The following RBBP6 variants were observed in gnomAD, a reference collection of about 807,000 sequenced individuals.
RBBP6 encodes RB binding protein 6, ubiquitin ligase, also known as E3 ubiquitin-protein ligase RBBP6.
RBBP6 carries 25 observed loss-of-function variants against 167.7 expected under a neutral mutation model. That is an observed-to-expected ratio of 0.15 (90% CI 0.11 to 0.21). The LOEUF is 0.21. Ranked by LOEUF, RBBP6 falls within the 10% of genes least tolerant of loss-of-function variation. The pLI, the probability that RBBP6 is intolerant of heterozygous loss-of-function variation, is 1.00. For missense variants in RBBP6, 1,868 were observed against 2,134.2 expected, an observed-to-expected ratio of 0.88 and a Z score of 2.46; for synonymous variants, 789 against 735.8, an observed-to-expected ratio of 1.07 and a Z score of -1.17.
chr16:24,571,626 T>G lies in RBBP6; in HGVS notation c.4560T>G (p.Asp1520Glu). 1 of 1,611,354 alleles carries G rather than the reference T, an allele frequency of 6.2e-7. No individual in the cohort carries two copies. Among genetic ancestry groups the G allele is most frequent in the Non-Finnish European group, 8.5e-7 (1 of 1,179,372 alleles). Residue 1520 changes from aspartate (D) to glutamate (E), a missense_variant, in exon 18 of 18, where the codon GAT becomes GAG. Physicochemically the swap from Asp to Glu is conservative, Grantham distance 45. Coordinates refer to ENST00000319715, the MANE Select transcript of RBBP6 (RefSeq NM_006910.5). ...AAAATAAACCAAGGGAAGAGAGAGA[T>G]TTGCCTAAAAAAGGAACAGGAGATT... ...GQKNKPREER[D>E]LPKKGTGDSK...
chr16:24,544,698 A>C (rs562761048), intron 1 of RBBP6, among the ~76,000 whole-genome samples: 1 of 152,238 alleles, frequency 6.6e-6, no homozygotes, highest in East Asian at 1.9e-4. Context: ...TTCTGTAGCA[A>C]ATCTTTTTAC....
chr16:24,571,139 A>G lies in RBBP6; in HGVS notation c.4073A>G (p.Asn1358Ser). 6.2e-7 allele frequency: 1 copy of G among 1,613,696 alleles called. No homozygotes were observed. The highest frequency in any genetic ancestry group is 8.5e-7 in the Non-Finnish European group (1 of 1,179,634). The stretch of plus-strand genomic sequence containing the variant: ...AAAAATGTTAGTACAAAGCCATCAA[A>G]TATAGTCAAGTATCCTGAGAAAGAA... Reference protein sequence around the residue: ...VIKNVSTKPSNIVKYPEKESE... With the variant: ...VIKNVSTKPSSIVKYPEKESE... Residue 1358 changes from asparagine to serine, a missense_variant, in exon 18 of 18, where the codon AAT (asparagine) becomes AGT (serine). This residue lies in a region of RBBP6 where 591 missense variants were observed against 540.5 expected (regional missense o/e 1.09). Transcript: ENST00000319715.
At chr16:24,546,620 C>T (rs1898660115) in intron 2 of RBBP6, among the ~76,000 whole-genome samples, 3 of 152,094 alleles carry the variant, frequency 2.0e-5, no homozygotes, top group Non-Finnish European at 4.4e-5. Flanking sequence ...TTGTAGACAT[C>T]GGTCCTAAAT....
At position 24,572,074 on chromosome 16, in the gene RBBP6, G is replaced by A; in HGVS notation, c.5008G>A (p.Val1670Met). ...NISKDLKDKIVEKAKESLDTA... is the reference protein window; with the variant it reads ...NISKDLKDKIMEKAKESLDTA... ...TTCTAAGGACCTGAAAGATAAAATA[G>A]TGGAGAAAGCAAAAGAGAGCCTGGA... Residue 1670 changes from valine (V) to methionine (M), a missense_variant, in exon 18 of 18, where the codon GTG becomes ATG. Physicochemically the swap from Val to Met is conservative, Grantham distance 21. Transcript: ENST00000319715. 1 of 1,614,136 alleles carries A rather than the reference G, an allele frequency of 6.2e-7. No homozygotes were observed. Among genetic ancestry groups the A allele is most frequent in the South Asian group, 1.1e-5 (1 of 91,082 alleles).
At position 24,569,415 on chromosome 16, in the gene RBBP6, A is replaced by G; in HGVS notation, c.2725A>G (p.Asn909Asp). ...AAAGCTTTCAGCAAGAGATGGTCACAATCAGAAGGATAATACAAAGTCAAA... is the reference window on the plus strand; with the variant it reads ...AAAGCTTTCAGCAAGAGATGGTCACGATCAGAAGGATAATACAAAGTCAAA... The part of the protein sequence containing the change: ...PEKLSARDGH[N>D]QKDNTKSKEK... Residue 909 changes from asparagine to aspartate, a missense_variant, in exon 17 of 18, where the codon AAT becomes GAT. Asn to Asp is a conservative substitution (Grantham distance 23, BLOSUM62 1). Coordinates refer to ENST00000319715, the MANE Select transcript of RBBP6 (RefSeq NM_006910.5). The G allele has an allele frequency of 1.9e-6, 3 of 1,614,170 alleles. No individual in the cohort carries two copies. The highest frequency in any genetic ancestry group is 2.5e-6 in the Non-Finnish European group (3 of 1,180,040).
chr16:24,540,537 G>A lies in RBBP6; in HGVS notation c.-90G>A, dbSNP rs1898459310. 2.3e-6 allele frequency: 3 copies of A among 1,324,476 alleles called. No homozygotes were observed. The highest frequency in any genetic ancestry group is 3.0e-5 in the African/African-American group (2 of 67,688). The allele number at this position is 1,324,476 out of a possible 1,614,324, so 82.0% of individuals were successfully genotyped here. A position where few individuals can be genotyped will look rare whatever the true frequency, so the allele number is the denominator to read the frequency against. Reference sequence around the variant, plus strand: ...CCTTCGGTGTCTTTGAGTGTTTTGTGTGTACATATTTTGCTCTTAAAGTTT... The same window carrying A: ...CCTTCGGTGTCTTTGAGTGTTTTGTATGTACATATTTTGCTCTTAAAGTTT... On this transcript the variant is annotated 5_prime_UTR_variant, in exon 1 of 18. In the 5' UTR this introduces an upstream ATG that the reference lacks. Transcript: ENST00000319715.
rs905468905 is a variant in RBBP6 at position 24,540,185 on chromosome 16, C to G, written c.-442C>G. 6.4e-6 allele frequency: 1 copy of G among 157,330 alleles called. No homozygotes were observed. The highest frequency in any genetic ancestry group is 2.4e-5 in the African/African-American group (1 of 41,524). 9.7% of individuals were successfully genotyped at this position (157,330 alleles called of 1,614,324 possible). A position where few individuals can be genotyped will look rare whatever the true frequency, so the allele number is the denominator to read the frequency against. On this transcript the variant is annotated 5_prime_UTR_variant, in exon 1 of 18. Transcript: ENST00000319715. ...ACCTTCTCCCGGGGCCTGGGTCACC[C>G]CAATCCACGGAGAGAGAGACCCGCC...
Position 24,569,523 on chromosome 16 carries a change from A to G in RBBP6, c.2833A>G (p.Ser945Gly), listed in dbSNP as rs758808923. Residue 945 changes from serine to glycine, a missense_variant, in exon 17 of 18, where the codon AGT (serine) becomes GGT (glycine). By Grantham distance (56) the Ser-to-Gly change is moderately conservative. Transcript: ENST00000319715. The stretch of plus-strand genomic sequence containing the variant: ...CAGAAAAAGAAGAAAAGGGGAGGAA[A>G]GTGAGGGTTTTCTGAACCCAGAGTT... ...KHRKRRKGEESEGFLNPELLE... is the reference protein window; with the variant it reads ...KHRKRRKGEEGEGFLNPELLE... 6 of 1,610,944 alleles carry G rather than the reference A, an allele frequency of 3.7e-6. No individual in the cohort carries two copies. Among genetic ancestry groups the G allele is most frequent in the Non-Finnish European group, 5.1e-6 (6 of 1,179,330 alleles).
In RBBP6 at chr16:24,571,902, C is replaced by T. The variant is rs776129889; in HGVS notation, c.4836C>T (p.Val1612=). The part of the protein sequence containing the change: ...QITGQIDKST[V]KPKPQLSHSS... ...CTGGGCAAATTGACAAGAGTACTGT[C>T]AAGCCTAAACCCCAGTTAAGTCATT... Residue 1612 remains valine (V), a synonymous_variant, in exon 18 of 18, where the codon GTC becomes GTT. Coordinates refer to ENST00000319715, the MANE Select transcript of RBBP6 (RefSeq NM_006910.5). The T allele has an allele frequency of 2.5e-6, 4 of 1,614,086 alleles. No individual in the cohort carries two copies. The South Asian group carries it at 4.4e-5, about 18-fold the overall frequency.
In RBBP6 at chr16:24,571,542, T is replaced by G; in HGVS notation, c.4476T>G (p.Asn1492Lys). ...GTTCCAAACGTAGAGATGAAAAGAA[T>G]GAATTAACAAGACGAAAAGACTCTC... Reference protein sequence around the residue: ...YSSSKRRDEKNELTRRKDSPS... With the variant: ...YSSSKRRDEKKELTRRKDSPS... The change falls in exon 18 of 18, where the codon AAT becomes AAG. Residue 1492 changes from asparagine (N) to lysine (K), a missense_variant. Physicochemically the swap from Asn to Lys is moderately conservative, Grantham distance 94. Transcript: ENST00000319715. The G allele has an allele frequency of 6.2e-7, 1 of 1,613,490 alleles. No individual in the cohort carries two copies. Among genetic ancestry groups the G allele is most frequent in the Non-Finnish European group, 8.5e-7 (1 of 1,179,862 alleles).
chr16:24,542,778 T>G (rs962343861), intron 1 of RBBP6, among the ~76,000 whole-genome samples: 4 of 152,204 alleles, frequency 2.6e-5, no homozygotes, highest in Non-Finnish European at 5.9e-5. Flanking sequence ...AAGTTATAGT[T>G]AAAAGAATCC....
At chr16:24,559,333 G>A (rs1456714838) in intron 7 of RBBP6, among the ~76,000 whole-genome samples, 172 bp from the exon 8 acceptor site, 4 of 152,014 alleles carry the variant, frequency 2.6e-5, no homozygotes, top group African/African-American at 9.7e-5. Flanking sequence ...TTGTGTCTTT[G>A]TTTAGGGTTA....
At chr16:24,543,292 CTTTT>C (rs200408370) in intron 1 of RBBP6, among the ~76,000 whole-genome samples, 3 of 126,172 alleles carry the variant, frequency 2.4e-5, no homozygotes, top group Admixed American at 8.4e-5. Context: ...TCCCTTAAAT[CTTTT>C]TTTTTTTTTT....
intron 3 of RBBP6, among the ~76,000 whole-genome samples, chr16:24,549,661 G>A (rs1016239700): frequency 1.3e-5 from 2 of 151,758 alleles, no homozygotes; most frequent in East Asian, 1.9e-4. Flanking sequence ...TGAACCTGGG[G>A]CCCCCTATGA....
rs1567280189 is a variant in RBBP6 at position 24,569,023 on chromosome 16, G to C, written c.2333G>C (p.Gly778Ala). The C allele has an allele frequency of 1.9e-6, 3 of 1,614,014 alleles. No homozygotes were observed. The highest frequency in any genetic ancestry group is 2.5e-6 in the Non-Finnish European group (3 of 1,180,016). The change falls in exon 17 of 18, where the codon GGA (glycine) becomes GCA (alanine). Residue 778 changes from glycine (G) to alanine (A), a missense_variant. By Grantham distance (60) the Gly-to-Ala change is moderately conservative (BLOSUM62 0). Coordinates refer to ENST00000319715, the MANE Select transcript of RBBP6 (RefSeq NM_006910.5). ...TCAAGATCTCCTCAAGCGTTTAGGG[G>C]ACAGTCTCCTAATAAACGTAATGTA... is the stretch of plus-strand genomic sequence containing the variant. ...SRSRSPQAFR[G>A]QSPNKRNVPQ...
intron 2 of RBBP6, among the ~76,000 whole-genome samples, chr16:24,547,054 G>A (rs1395637351): frequency 1.3e-5 from 2 of 152,180 alleles, no homozygotes; most frequent in Non-Finnish European, 2.9e-5. Flanking sequence ...TGTGAAAAGG[G>A]CAGCAACATA....
Position 24,556,561 on chromosome 16 carries a change from C to T in RBBP6, c.674+114C>T. ...TGGATTCCTTGAGAACTTTGTATAC[C>T]AAAGCCATTAGTCTCTACATCTTGC... is the stretch of plus-strand genomic sequence containing the variant. On this transcript the variant is annotated intron_variant, in intron 7 of 17. Transcript: ENST00000319715. The T allele has an allele frequency of 6.6e-6, 8 of 1,204,922 alleles. No homozygotes were observed. In the South Asian group the frequency reaches 1.5e-4, roughly 22 times the overall value. The allele number at this position is 1,204,922 out of a possible 1,614,324, so 74.6% of individuals were successfully genotyped here.
intron 4 of RBBP6, 26 bp downstream of exon 4, chr16:24,553,583 A>C: frequency 6.6e-7 from 1 of 1,514,016 alleles, no homozygotes; most frequent in Non-Finnish European, 9.0e-7. Flanking sequence ...TATTCTTGAA[A>C]ATATAAGTTT....
At chr16:24,566,530 C>T (rs1281870419) in intron 14 of RBBP6, among the ~76,000 whole-genome samples, 5 of 152,240 alleles carry the variant, frequency 3.3e-5, no homozygotes, top group Admixed American at 6.5e-5. Flanking sequence ...CACCTGAGGT[C>T]AGGAGTTTGA....
Sources: allele counts gnomAD v4.1 joint callset (sites outside exome capture counted in the v4.1 genomes callset), GRCh38; gene constraint gnomAD v4.1.1; regional missense constraint gnomAD v4.1.1; transcripts MANE v1.5; gene names NCBI Gene and HGNC (gene_info 2026-07-23, HGNC 2026-07-21).